UVRAG: variants seen among roughly 807,000 people sequenced by gnomAD.
UVRAG encodes the protein UV radiation resistance associated, also known as UV radiation resistance-associated gene protein.
UVRAG carries 19 observed loss-of-function variants against 78.0 expected under a neutral mutation model. That is an observed-to-expected ratio of 0.24 (90% CI 0.17 to 0.36). The LOEUF (loss-of-function observed/expected upper bound fraction) is 0.36. Ranked by LOEUF, UVRAG falls within the 10% of genes least tolerant of loss-of-function variation. The probability of loss-of-function intolerance (pLI) is 1.00; values close to 1 mark genes in which losing one functional copy is unlikely to be tolerated. For missense variants in UVRAG, 740 were observed against 853.8 expected (o/e 0.87, Z 1.66); for synonymous variants, 323 against 324.6 (o/e 1.00, Z 0.05).
chr11:76,115,789 T>C, intron 13 of UVRAG, 135 bp from the exon 14 acceptor site: 1 of 752,470 alleles, frequency 1.3e-6, no homozygotes, highest in Non-Finnish European at 2.2e-6. Flanking sequence ...TGGAAAGTAC[T>C]GTGAGGCTGA....
chr11:76,062,119 C>G (rs1951105556), intron 12 of UVRAG, among the ~76,000 whole-genome samples: 1 of 152,146 alleles, frequency 6.6e-6, no homozygotes, highest in Admixed American at 6.5e-5. Flanking sequence ...GGCTGCATAA[C>G]TAAGCTCTGC....
chr11:76,089,642 A>G (rs1951659091), intron 13 of UVRAG, among the ~76,000 whole-genome samples: 1 of 152,190 alleles, frequency 6.6e-6, no homozygotes, highest in African/African-American at 2.4e-5. Flanking sequence ...AGTCAAATAG[A>G]TCCTTAAGGC....
At chr11:76,136,086 A>C (rs1952593075) in intron 14 of UVRAG, among the ~76,000 whole-genome samples, 1 of 152,194 alleles carries the variant, frequency 6.6e-6, no homozygotes, top group African/African-American at 2.4e-5. Context: ...TAATCAAAGA[A>C]TCTTGAAACC....
chr11:75,827,895 CT>C (rs988179141), intron 1 of UVRAG, among the ~76,000 whole-genome samples: 133 of 145,592 alleles, frequency 9.1e-4, no homozygotes, highest in South Asian at 2.2e-3. Flanking sequence ...TTTGAAAAAC[CT>C]TTTTTTTTTT....
At chr11:75,817,402 C>T (rs926834502) in intron 1 of UVRAG, among the ~76,000 whole-genome samples, 1 of 152,080 alleles carries the variant, frequency 6.6e-6, no homozygotes, top group Non-Finnish European at 1.5e-5. Flanking sequence ...TAATTTCAGC[C>T]TCATTTGTTA....
intron 1 of UVRAG, among the ~76,000 whole-genome samples, chr11:75,839,606 A>G (rs1408837245): frequency 6.6e-6 from 1 of 151,888 alleles, no homozygotes; most frequent in Non-Finnish European, 1.5e-5. Flanking sequence ...AACCACATCC[A>G]TTATCTAATT....
chr11:76,060,811 C>A (rs529053461), intron 12 of UVRAG, among the ~76,000 whole-genome samples: 6 of 152,220 alleles, frequency 3.9e-5, no homozygotes, highest in African/African-American at 1.4e-4. Context: ...TGGGGCAGGG[C>A]TTGGGACCTG....
intron 3 of UVRAG, among the ~76,000 whole-genome samples, chr11:75,867,817 A>G (rs151077906): frequency 1.9e-3 from 292 of 152,340 alleles, no homozygotes; most frequent in African/African-American, 6.5e-3. Flanking sequence ...AAATATTACA[A>G]AATTTTTTGT....
chr11:75,997,955 C>T (rs921431036), intron 8 of UVRAG, among the ~76,000 whole-genome samples: 19 of 152,152 alleles, frequency 1.2e-4, no homozygotes, highest in African/African-American at 4.1e-4. Context: ...TTAGGTCCCA[C>T]GGTATAAGTG....
chr11:75,828,746 T>TATAC (rs1463826433), intron 1 of UVRAG, among the ~76,000 whole-genome samples: 20 of 90,564 alleles, frequency 2.2e-4, no homozygotes, highest in African/African-American at 8.4e-4. Context: ...TATATATATA[T>TATAC]ACACACACAT....
At chr11:76,107,534 G>A (rs1401955972) in intron 13 of UVRAG, among the ~76,000 whole-genome samples, 1 of 152,150 alleles carries the variant, frequency 6.6e-6, no homozygotes, top group Non-Finnish European at 1.5e-5. Context: ...TGTGTCCAGT[G>A]TTTACATTAT....
intron 4 of UVRAG, among the ~76,000 whole-genome samples, chr11:75,880,411 A>C (rs946212313): frequency 1.3e-5 from 2 of 152,120 alleles, no homozygotes; most frequent in Non-Finnish European, 2.9e-5. Flanking sequence ...CACGTTAAAT[A>C]CCTCTCTTTT....
At chr11:75,879,844 G>A (rs1371794246) in intron 3 of UVRAG, 35 bp from the exon 4 acceptor site, 3 of 1,600,064 alleles carry the variant, frequency 1.9e-6, no homozygotes, top group South Asian at 2.2e-5. Flanking sequence ...AACAAATAGA[G>A]TTGTCCTAAA....
Position 76,003,257 on chromosome 11 carries a change from A to AT in UVRAG, c.827-717dup, listed in dbSNP as rs398045280. On this transcript the variant is annotated intron_variant, in intron 8 of 14. Transcript: ENST00000356136. Reference sequence around the variant, plus strand: ...CACTATGATTTTCACGAAAATACTGATTTTTTTTTTTTTTTTTTTTTTTTT... The same window carrying AT: ...CACTATGATTTTCACGAAAATACTGATTTTTTTTTTTTTTTTTTTTTTTTTT... 6.1e-3 allele frequency among the ~76,000 whole-genome samples: 327 copies of AT among 53,784 alleles called. 51 individuals are homozygous for AT. The highest frequency in any genetic ancestry group is 0.028 in the Middle Eastern group (1 of 36). The allele number at this position is 53,784 out of a possible 152,430, so 35.3% of individuals were successfully genotyped here. A position where few individuals can be genotyped will look rare whatever the true frequency, so the allele number is the denominator to read the frequency against.
At chr11:76,072,700 T>G (rs77197004) in intron 13 of UVRAG, among the ~76,000 whole-genome samples, 4,411 of 152,316 alleles carry the variant, frequency 0.029, 223 homozygotes, top group African/African-American at 0.1. Flanking sequence ...TTGAATTAGT[T>G]TAACTTTTGA....
At chr11:75,986,311 A>G (rs571529545) in intron 8 of UVRAG, among the ~76,000 whole-genome samples, 1 of 152,206 alleles carries the variant, frequency 6.6e-6, no homozygotes, top group Admixed American at 6.5e-5. Context: ...TTATGATACT[A>G]TTGTACATAT....
At chr11:76,063,424 C>A (rs897516064) in intron 12 of UVRAG, among the ~76,000 whole-genome samples, 1 of 152,190 alleles carries the variant, frequency 6.6e-6, no homozygotes, top group Admixed American at 6.5e-5. Context: ...TCTTCACCAC[C>A]TGTTGTTAGT....
At chr11:76,061,414 C>A (rs572601712) in intron 12 of UVRAG, among the ~76,000 whole-genome samples, 8 of 152,244 alleles carry the variant, frequency 5.3e-5, no homozygotes, top group African/African-American at 1.9e-4. Flanking sequence ...AGTGGCAACC[C>A]GCTGGGGTCC....
At position 75,942,929 on chromosome 11, in the gene UVRAG, T is replaced by C. The variant is rs989438468; in HGVS notation, c.594-18515T>C. Among the ~76,000 whole-genome samples, 5 of 152,196 alleles carry C rather than the reference T, an allele frequency of 3.3e-5. No homozygotes were observed. The South Asian group carries it at 6.2e-4, about 19-fold the overall frequency. Reference sequence around the variant, plus strand: ...AGGAAAAGCCAACTAGACACAGTGGTGTGCACCTATAGTCCCAGCTACTCG... The same window carrying C: ...AGGAAAAGCCAACTAGACACAGTGGCGTGCACCTATAGTCCCAGCTACTCG... On this transcript the variant is annotated intron_variant, in intron 6 of 14. Coordinates refer to ENST00000356136, the MANE Select transcript of UVRAG (RefSeq NM_003369.4).
Sources: allele counts gnomAD v4.1 joint callset (sites outside exome capture counted in the v4.1 genomes callset), GRCh38; gene constraint gnomAD v4.1.1; transcripts MANE v1.5; gene names NCBI Gene and HGNC (gene_info 2026-07-23, HGNC 2026-07-21).